The following SIK2 variants were observed in gnomAD, a reference collection of about 807,000 sequenced individuals.
The protein encoded by SIK2 is serine/threonine-protein kinase SIK2.
In SIK2, 29 loss-of-function variants were observed where a neutral mutation model predicts 103.2. The observed-to-expected ratio is 0.28, with a 90% CI of 0.21 to 0.38. The LOEUF (loss-of-function observed/expected upper bound fraction) is 0.38, where lower values mean the gene tolerates loss of function less well. SIK2 is among the 10% of genes least tolerant of loss of function. The pLI is 1.00. For synonymous variants in SIK2, 412 were observed against 446.1 expected (o/e 0.92, Z 0.96); for missense variants, 879 against 1,171.0 (o/e 0.75, Z 3.64).
intron 3 of SIK2, among the ~76,000 whole-genome samples, chr11:111,685,520 G>A (rs955188616): frequency 6.6e-6 from 1 of 152,146 alleles, no homozygotes; most frequent in South Asian, 2.1e-4. Flanking sequence ...AGGGACTTAA[G>A]GTCAAGGTGG....
intron 3 of SIK2, among the ~76,000 whole-genome samples, chr11:111,639,398 C>T (rs1213592117): frequency 1.3e-5 from 2 of 152,182 alleles, no homozygotes; most frequent in East Asian, 3.9e-4. Context: ...CCATGGCATG[C>T]TTGGGATGCC....
intron 3 of SIK2, among the ~76,000 whole-genome samples, chr11:111,644,835 A>AT (rs1184505291): frequency 6.6e-6 from 1 of 152,208 alleles, no homozygotes; most frequent in Non-Finnish European, 1.5e-5. Flanking sequence ...TAACATAAGC[A>AT]TTTTTTGAGT....
At chr11:111,707,207 G>A (rs1420706086) in intron 8 of SIK2, among the ~76,000 whole-genome samples, 4 of 152,188 alleles carry the variant, frequency 2.6e-5, no homozygotes, top group African/African-American at 9.7e-5. Context: ...GGGCCAGCAG[G>A]CTTTCCCTGC....
chr11:111,628,616 G>T (rs1384267534), intron 3 of SIK2, among the ~76,000 whole-genome samples: 1 of 151,714 alleles, frequency 6.6e-6, no homozygotes, highest in South Asian at 2.1e-4. Flanking sequence ...TTGTAGAGAT[G>T]GGATCTTGCC....
chr11:111,650,437 G>A (rs1210386603), intron 3 of SIK2, among the ~76,000 whole-genome samples: 1 of 151,990 alleles, frequency 6.6e-6, no homozygotes, highest in African/African-American at 2.4e-5. Context: ...CCCCTAAAAA[G>A]CACAAATGCT....
At chr11:111,665,172 G>T (rs570250490) in intron 3 of SIK2, among the ~76,000 whole-genome samples, 3 of 152,012 alleles carry the variant, frequency 2.0e-5, no homozygotes, top group Non-Finnish European at 4.4e-5. Flanking sequence ...CCAGGGATGG[G>T]ATGGAATGAT....
chr11:111,664,916 G>A lies in SIK2; in HGVS notation c.317-23085G>A, dbSNP rs1374713663. Reference sequence around the variant, plus strand: ...CTTGGGGACTTTAGAGCACTTTCAGGAAGGGAGAAGACAATTCTAAGAATT... The same window carrying A: ...CTTGGGGACTTTAGAGCACTTTCAGAAAGGGAGAAGACAATTCTAAGAATT... On this transcript the variant is annotated intron_variant, in intron 3 of 14. Coordinates refer to ENST00000304987, the MANE Select transcript of SIK2 (RefSeq NM_015191.3). Among the ~76,000 whole-genome samples, 7 of 152,062 alleles carry A rather than the reference G, an allele frequency of 4.6e-5. 1 individual carries two copies. The South Asian group carries it at 8.3e-4, about 18-fold the overall frequency.
At chr11:111,703,080 C>A in intron 6 of SIK2, 123 bp from the exon 7 acceptor site, 1 of 765,576 alleles carries the variant, frequency 1.3e-6, no homozygotes, top group Non-Finnish European at 2.1e-6. Flanking sequence ...ATTCATTTGA[C>A]CTTCTGCTTT....
chr11:111,643,825 G>A (rs140097126), intron 3 of SIK2, among the ~76,000 whole-genome samples: 22 of 151,712 alleles, frequency 1.5e-4, no homozygotes, highest in East Asian at 1.9e-4. Flanking sequence ...TTCATTGGGC[G>A]TTTTAGAATT....
At chr11:111,694,137 T>A (rs1220288376) in intron 4 of SIK2, among the ~76,000 whole-genome samples, 1 of 152,210 alleles carries the variant, frequency 6.6e-6, no homozygotes, top group Non-Finnish European at 1.5e-5. Flanking sequence ...AAACACTCAA[T>A]ACAAGGTAGC....
chr11:111,649,220 G>A (rs943015189), intron 3 of SIK2, among the ~76,000 whole-genome samples: 1 of 152,112 alleles, frequency 6.6e-6, no homozygotes, highest in East Asian at 1.9e-4. Flanking sequence ...GTTGATCCTT[G>A]CACATATTCC....
chr11:111,702,734 G>A (rs1174297480), intron 6 of SIK2, among the ~76,000 whole-genome samples: 1 of 152,222 alleles, frequency 6.6e-6, no homozygotes, highest in Admixed American at 6.5e-5. Context: ...GGTGTAGTCA[G>A]AAGTAAGTAA....
intron 8 of SIK2, among the ~76,000 whole-genome samples, chr11:111,711,977 C>T (rs1406429882): frequency 1.3e-5 from 2 of 152,260 alleles, no homozygotes; most frequent in Admixed American, 1.3e-4. Flanking sequence ...AGCATCCCCT[C>T]ATGAGGCAGA....
At chr11:111,669,151 A>G (rs7938360) in intron 3 of SIK2, among the ~76,000 whole-genome samples, 93,200 of 152,048 alleles carry the variant, frequency 0.61, 31,494 homozygotes, top group East Asian at 0.96. Flanking sequence ...CCTTTTCTCT[A>G]TGCTTCCAAG....
chr11:111,670,053 A>T (rs1942603810), intron 3 of SIK2, among the ~76,000 whole-genome samples: 1 of 152,180 alleles, frequency 6.6e-6, no homozygotes, highest in South Asian at 2.1e-4. Flanking sequence ...ACATCCTATT[A>T]TAATTATTCT....
chr11:111,674,071 TA>T (rs55822420), intron 3 of SIK2, among the ~76,000 whole-genome samples: 128,113 of 136,718 alleles, frequency 0.94, 60,311 homozygotes, highest in East Asian at 1. Flanking sequence ...AAGACTCCAT[TA>T]AAAAAAAAAA....
chr11:111,719,723 T>C, intron 9 of SIK2, 52 bp from the exon 10 acceptor site: 1 of 1,547,652 alleles, frequency 6.5e-7, no homozygotes, highest in Non-Finnish European at 8.8e-7. Flanking sequence ...TTTGTGGATT[T>C]TTCTGTCTCA....
intron 4 of SIK2, among the ~76,000 whole-genome samples, chr11:111,692,637 T>C (rs1942975727): frequency 1.3e-5 from 2 of 152,176 alleles, no homozygotes; most frequent in Non-Finnish European, 2.9e-5. Context: ...AGGATATTTA[T>C]TTTTATCTGT....
At chr11:111,718,814 T>C (rs938438347) in intron 9 of SIK2, 7 of 152,246 alleles carry the variant, frequency 4.6e-5, no homozygotes, top group African/African-American at 1.7e-4. Flanking sequence ...CCTGAGCAGC[T>C]ATTCATAGGA....
Sources: allele counts gnomAD v4.1 joint callset (sites outside exome capture counted in the v4.1 genomes callset), GRCh38; gene constraint gnomAD v4.1.1; transcripts MANE v1.5; gene names NCBI Gene and HGNC (gene_info 2026-07-23, HGNC 2026-07-21).